Variants in EPHA3 observed in about 807,000 individuals in gnomAD.
EPHA3 encodes the protein EPH receptor A3, also known as ephrin type-A receptor 3.
A neutral mutation model predicts 107.1 loss-of-function variants in EPHA3; 42 were observed. That is an observed-to-expected ratio of 0.39 (90% CI 0.31 to 0.51). EPHA3 has a LOEUF of 0.51. Ranked by LOEUF, EPHA3 falls within the 20% of genes least tolerant of loss-of-function variation. The pLI is 0.78. For synonymous variants in EPHA3, 461 were observed against 424.8 expected (o/e 1.09, Z -1.05); for missense variants, 1,183 against 1,211.2 (o/e 0.98, Z 0.35).
At chr3:89,451,880 C>CGTGTGT (rs146055053) in intron 15 of EPHA3, among the ~76,000 whole-genome samples, 1 of 144,186 alleles carries the variant, frequency 6.9e-6, no homozygotes, top group Non-Finnish European at 1.5e-5. Context: ...TCAAGCAGGG[C>CGTGTGT]GTGTGTGTGT....
intron 3 of EPHA3, among the ~76,000 whole-genome samples, chr3:89,241,535 T>C (rs1182576315): frequency 6.6e-6 from 1 of 152,204 alleles, no homozygotes; most frequent in Non-Finnish European, 1.5e-5. Context: ...TTAATTCCAC[T>C]ACCATTACTA....
At chr3:89,469,783 T>C (rs1710364570) in intron 15 of EPHA3, among the ~76,000 whole-genome samples, 1 of 152,206 alleles carries the variant, frequency 6.6e-6, no homozygotes, top group Non-Finnish European at 1.5e-5. Flanking sequence ...TCTAAAGATA[T>C]TGAAATTAGC....
chr3:89,290,134 C>G (rs1316805108), intron 3 of EPHA3, among the ~76,000 whole-genome samples: 1 of 152,134 alleles, frequency 6.6e-6, no homozygotes, highest in Non-Finnish European at 1.5e-5. Context: ...GAGTTCCTTT[C>G]TGGAGGTTTT....
intron 3 of EPHA3, among the ~76,000 whole-genome samples, chr3:89,225,957 G>A (rs1159056345): frequency 6.6e-6 from 1 of 152,066 alleles, no homozygotes; most frequent in Non-Finnish European, 1.5e-5. Context: ...GTGTTCACAG[G>A]ACTGCAAAGT....
chr3:89,470,969 G>C (rs556852735), intron 15 of EPHA3, among the ~76,000 whole-genome samples: 1 of 152,054 alleles, frequency 6.6e-6, no homozygotes, highest in Non-Finnish European at 1.5e-5. Flanking sequence ...GCACATGAAC[G>C]TTTGATATAA....
chr3:89,267,159 GGTGA>G (rs1489393425), intron 3 of EPHA3, among the ~76,000 whole-genome samples: 3 of 152,020 alleles, frequency 2.0e-5, no homozygotes, highest in African/African-American at 7.2e-5. Flanking sequence ...TGTAACAGAA[GGTGA>G]GTGAAAACAA....
chr3:89,291,526 G>A (rs1373700670), intron 3 of EPHA3, among the ~76,000 whole-genome samples: 3 of 152,044 alleles, frequency 2.0e-5, no homozygotes, highest in African/African-American at 7.2e-5. Flanking sequence ...GTTGGTTTAG[G>A]AAAACCTTCC....
rs180752978 is a variant in EPHA3 at position 89,410,171 on chromosome 3, T to C, written c.1762+2040T>C. 4.3e-3 allele frequency among the ~76,000 whole-genome samples: 661 copies of C among 152,012 alleles called. 4 individuals carry two copies. Among genetic ancestry groups the C allele is most frequent in the African/African-American group, 0.012 (501 of 41,514 alleles). On this transcript the variant is annotated intron_variant, in intron 9 of 16. Coordinates refer to ENST00000336596, the MANE Select transcript of EPHA3 (RefSeq NM_005233.6). The stretch of plus-strand genomic sequence containing the variant: ...TTGGGGGTGTATATGTTTATGTTTG[T>C]TTTTTTCCCCCAAATGTCTTATGGA...
intron 5 of EPHA3, among the ~76,000 whole-genome samples, chr3:89,376,204 TA>T (rs1708400415): frequency 6.6e-6 from 1 of 151,938 alleles, no homozygotes; most frequent in African/African-American, 2.4e-5. Flanking sequence ...TTTATTGAAT[TA>T]AATGCAAAAT....
At chr3:89,255,441 C>T (rs914770506) in intron 3 of EPHA3, among the ~76,000 whole-genome samples, 1 of 152,126 alleles carries the variant, frequency 6.6e-6, no homozygotes, top group Non-Finnish European at 1.5e-5. Flanking sequence ...TTTGTAAATA[C>T]AATTTTATTG....
Position 89,113,679 on chromosome 3 carries a change from T to C in EPHA3, c.88+5843T>C, listed in dbSNP as rs1707176682. Reference sequence around the variant, plus strand: ...AAAGGCATTTATCACGTAAAACATCTGGCTAATCAATTTTTATTAAATCCC... The same window carrying C: ...AAAGGCATTTATCACGTAAAACATCCGGCTAATCAATTTTTATTAAATCCC... On this transcript the variant is annotated intron_variant, in intron 1 of 16. Coordinates refer to ENST00000336596, the MANE Select transcript of EPHA3 (RefSeq NM_005233.6). Among the ~76,000 whole-genome samples, 4 of 151,968 alleles carry C rather than the reference T, an allele frequency of 2.6e-5. No homozygotes were observed. In the South Asian group the frequency reaches 6.2e-4, roughly 24 times the overall value.
At chr3:89,424,318 T>C (rs1473206513) in intron 11 of EPHA3, among the ~76,000 whole-genome samples, 1 of 151,374 alleles carries the variant, frequency 6.6e-6, no homozygotes, top group Non-Finnish European at 1.5e-5. Context: ...AAAAATAAAC[T>C]ATTTTAATTT....
At chr3:89,408,867 C>A (rs1709104904) in intron 9 of EPHA3, among the ~76,000 whole-genome samples, 1 of 151,990 alleles carries the variant, frequency 6.6e-6, no homozygotes, top group African/African-American at 2.4e-5. Context: ...TGCTTATGTG[C>A]TCCAAAATAA....
chr3:89,168,535 T>C (rs748338490), intron 2 of EPHA3, among the ~76,000 whole-genome samples: 3 of 152,234 alleles, frequency 2.0e-5, no homozygotes, highest in Non-Finnish European at 4.4e-5. Flanking sequence ...GTTTAAACTA[T>C]GATATTCTAA....
At chr3:89,259,936 G>C (rs1233832234) in intron 3 of EPHA3, among the ~76,000 whole-genome samples, 2 of 152,078 alleles carry the variant, frequency 1.3e-5, no homozygotes, top group East Asian at 3.9e-4. Flanking sequence ...TCTGTGTTTT[G>C]CTTATTTCAT....
rs549879658 is a variant in EPHA3, at chr3:89,227,102, C to T, written c.814+16582C>T. ...GGTGTCCATCAATATTATATGCAAA[C>T]GTTCAGTCAGGTATATAATCAGTAA... On this transcript the variant is annotated intron_variant, in intron 3 of 16. Coordinates refer to ENST00000336596, the MANE Select transcript of EPHA3 (RefSeq NM_005233.6). Among the ~76,000 whole-genome samples, 13 of 152,046 alleles carry T rather than the reference C, an allele frequency of 8.6e-5. No individual in the cohort carries two copies. In the South Asian group the frequency reaches 2.3e-3, roughly 27 times the overall value.
At chr3:89,135,657 A>G in intron 2 of EPHA3, among the ~76,000 whole-genome samples, 1 of 151,722 alleles carries the variant, frequency 6.6e-6, no homozygotes, top group East Asian at 1.9e-4. Flanking sequence ...TGAATAATCT[A>G]TAATATATCT....
At chr3:89,435,701 C>A (rs561035188) in intron 13 of EPHA3, among the ~76,000 whole-genome samples, 13 of 148,482 alleles carry the variant, frequency 8.8e-5, no homozygotes, top group African/African-American at 3.2e-4. Context: ...GCCTGTAATC[C>A]CAGCACTTTG....
chr3:89,256,400 G>A (rs1298748065), intron 3 of EPHA3, among the ~76,000 whole-genome samples: 1 of 151,320 alleles, frequency 6.6e-6, no homozygotes, highest in South Asian at 2.1e-4. Flanking sequence ...GTGAAACCCT[G>A]TCTCTACTAA....
Sources: gnomAD v4.1 joint callset for allele counts (sites outside exome capture counted in the v4.1 genomes callset) on GRCh38, gnomAD v4.1.1 for gene constraint, MANE v1.5 for transcripts, NCBI Gene and HGNC (gene_info 2026-07-23, HGNC 2026-07-21) for gene names.